CMSS1: variants seen among roughly 807,000 people sequenced by gnomAD.
The protein encoded by CMSS1 is cms1 ribosomal small subunit homolog, also known as protein CMSS1.
Under a neutral mutation model 43.5 loss-of-function variants are expected in CMSS1, and 33 were observed. The observed-to-expected ratio is 0.76, with a 90% CI of 0.57 to 1.01. The LOEUF (loss-of-function observed/expected upper bound fraction) is 1.01. CMSS1 is among the 50% of genes least tolerant of loss of function. CMSS1 has a pLI of 0.00. For synonymous variants in CMSS1, 115 were observed against 117.2 expected (o/e 0.98, Z 0.12); for missense variants, 313 against 326.4 (o/e 0.96, Z 0.32).
intron 1 of CMSS1, among the ~76,000 whole-genome samples, chr3:99,891,170 A>G (rs566441876): frequency 4.6e-5 from 7 of 151,880 alleles, no homozygotes; most frequent in African/African-American, 1.7e-4. Flanking sequence ...TCCCAATGCC[A>G]TAGTTCATGG....
In CMSS1 at chr3:99,819,754, TTTC is replaced by T. The variant is rs1942395343; in HGVS notation, c.64+1714_64+1716del. 2.0e-5 allele frequency among the ~76,000 whole-genome samples: 3 copies of T among 151,496 alleles called. No homozygotes were observed. In the Admixed American group the frequency reaches 2.0e-4, roughly 10 times the overall value. On this transcript the variant is annotated intron_variant, in intron 1 of 9. Coordinates refer to ENST00000421999, the MANE Select transcript of CMSS1 (RefSeq NM_032359.4). ...GGTTTTACCAACCAACAGTTTTTTT[TTTC>T]TTTTTTTTTTTTTTTGACACGGAGT...
chr3:99,847,007 A>T (rs186205077), intron 1 of CMSS1, among the ~76,000 whole-genome samples: 5 of 152,248 alleles, frequency 3.3e-5, no homozygotes, highest in South Asian at 2.1e-4. Context: ...ATCCCCAGGG[A>T]CTCCCATGAG....
chr3:100,132,644 C>A (rs2066717974), intron 1 of CMSS1, among the ~76,000 whole-genome samples: 1 of 151,438 alleles, frequency 6.6e-6, no homozygotes, highest in South Asian at 2.1e-4. Context: ...ATGGTGAAAC[C>A]CCGTCTCTAC....
At chr3:99,857,377 T>G (rs1308521861) in intron 1 of CMSS1, among the ~76,000 whole-genome samples, 2 of 152,224 alleles carry the variant, frequency 1.3e-5, no homozygotes, top group Non-Finnish European at 2.9e-5. Flanking sequence ...GAACTGTATG[T>G]GCTTGCTTGT....
intron 1 of CMSS1, among the ~76,000 whole-genome samples, chr3:100,003,228 A>T (rs1709893541): frequency 6.6e-6 from 1 of 152,224 alleles, no homozygotes; most frequent in South Asian, 2.1e-4. Context: ...CATACCAATG[A>T]CCATGTGGAG....
At chr3:100,141,437 C>T (rs1056134188) in intron 1 of CMSS1, 7 of 377,808 alleles carry the variant, frequency 1.9e-5, no homozygotes, top group African/African-American at 1.5e-4. Flanking sequence ...TGGAAACAGA[C>T]AATGGTCTTA....
chr3:99,847,984 T>G (rs905354133), intron 1 of CMSS1: 2 of 1,070,676 alleles, frequency 1.9e-6, no homozygotes, highest in Non-Finnish European at 2.3e-6. Flanking sequence ...CCAAGACAAG[T>G]TGCAGTCAAA....
intron 1 of CMSS1, among the ~76,000 whole-genome samples, chr3:99,963,020 C>T (rs1399259583): frequency 6.6e-6 from 1 of 152,210 alleles, no homozygotes; most frequent in Non-Finnish European, 1.5e-5. Flanking sequence ...TAGGAGCTAG[C>T]CTGGGTTTTA....
chr3:100,154,306 T>C (rs905850383), intron 2 of CMSS1, among the ~76,000 whole-genome samples: 1 of 152,244 alleles, frequency 6.6e-6, no homozygotes, highest in Non-Finnish European at 1.5e-5. Context: ...GATGTTTGTA[T>C]AGTGTTCACA....
intron 1 of CMSS1, among the ~76,000 whole-genome samples, chr3:99,825,452 C>A (rs1942518844): frequency 6.6e-6 from 1 of 152,168 alleles, no homozygotes; most frequent in African/African-American, 2.4e-5. Flanking sequence ...TTGCTCTACA[C>A]TTGAAGGCTG....
chr3:100,110,597 C>T (rs369724533), intron 1 of CMSS1, among the ~76,000 whole-genome samples: 3 of 152,210 alleles, frequency 2.0e-5, no homozygotes, highest in East Asian at 1.9e-4. Flanking sequence ...GAAATAAAGT[C>T]GTGTATTTGC....
At chr3:100,153,021 T>G (rs933773461) in intron 2 of CMSS1, among the ~76,000 whole-genome samples, 3 of 152,244 alleles carry the variant, frequency 2.0e-5, no homozygotes, top group African/African-American at 7.2e-5. Context: ...AATATTTATC[T>G]TAAAGTATGT....
chr3:100,059,392 G>T (rs151173753), intron 1 of CMSS1, among the ~76,000 whole-genome samples: 1 of 152,170 alleles, frequency 6.6e-6, no homozygotes, highest in Non-Finnish European at 1.5e-5. Flanking sequence ...CTTGCTTTTA[G>T]CCTCATCTCC....
Position 100,021,960 on chromosome 3 carries a change from T to TGAGAGA in CMSS1, c.65-124984_65-124979dup, listed in dbSNP as rs61630053. 6.8e-3 allele frequency among the ~76,000 whole-genome samples: 636 copies of TGAGAGA among 93,260 alleles called. 8 individuals are homozygous for TGAGAGA. The highest frequency in any genetic ancestry group is 0.03 in the East Asian group (85 of 2,862). The allele number at this position is 93,260 out of a possible 152,430, so 61.2% of individuals were successfully genotyped here. A position where few individuals can be genotyped will look rare whatever the true frequency, so the allele number is the denominator to read the frequency against. ...GTGTGTGTGTGTGTGTGTGTGTGTG[T>TGAGAGA]GAGAGAGAGAGAGAGAGAGAGAGAG... On this transcript the variant is annotated intron_variant, in intron 1 of 9. Coordinates refer to ENST00000421999, the MANE Select transcript of CMSS1 (RefSeq NM_032359.4).
chr3:100,137,564 CT>C lies in CMSS1; in HGVS notation c.65-9393del, dbSNP rs202163215. The stretch of plus-strand genomic sequence containing the variant: ...GAGATTAAAATTCATAAGCATGTAA[CT>C]TTTTTTTTTTTTTTTGAGACAGAGT... On this transcript the variant is annotated intron_variant, in intron 1 of 9. Transcript: ENST00000421999. Among the ~76,000 whole-genome samples the C allele has an allele frequency of 4.3e-3, 614 of 142,396 alleles. 1 individual carries two copies. Among genetic ancestry groups the C allele is most frequent in the African/African-American group, 7.2e-3 (279 of 38,980 alleles). The allele number at this position is 142,396 out of a possible 152,430, so 93.4% of individuals were successfully genotyped here.
intron 1 of CMSS1, among the ~76,000 whole-genome samples, chr3:100,005,108 C>A (rs1709951522): frequency 6.6e-6 from 1 of 152,186 alleles, no homozygotes; most frequent in Admixed American, 6.5e-5. Context: ...GGAAAGCCAG[C>A]TAATTCATTC....
At chr3:99,832,839 CA>C (rs771543470) in intron 1 of CMSS1, among the ~76,000 whole-genome samples, 865 of 47,454 alleles carry the variant, frequency 0.018, 17 homozygotes, top group African/African-American at 0.055. Flanking sequence ...GACTCTGTCT[CA>C]AAAAAAAAAA....
intron 1 of CMSS1, among the ~76,000 whole-genome samples, chr3:100,125,053 G>A (rs908591970): frequency 6.6e-6 from 1 of 151,964 alleles, no homozygotes; most frequent in Non-Finnish European, 1.5e-5. Context: ...ATCTCCATTC[G>A]GCAATTGCCA....
Position 100,162,400 on chromosome 3 carries a change from T to G in CMSS1, c.323T>G (p.Leu108Trp). ...LMKDYYSSRR[L>W]VIELEELNLP... ...AAGGACTATTATAGCAGCAGACGCTTGGTGATTGAATTAGAAGAACTGAAC... is the reference window on the plus strand; with the variant it reads ...AAGGACTATTATAGCAGCAGACGCTGGGTGATTGAATTAGAAGAACTGAAC... Residue 108 changes from leucine (L) to tryptophan (W), a missense_variant, in exon 4 of 10, where the codon TTG becomes TGG. Transcript: ENST00000421999. 6.2e-7 allele frequency: 1 copy of G among 1,613,276 alleles called. No individual in the cohort carries two copies. Among genetic ancestry groups the G allele is most frequent in the Non-Finnish European group, 8.5e-7 (1 of 1,179,388 alleles).
Sources: allele counts gnomAD v4.1 joint callset (sites outside exome capture counted in the v4.1 genomes callset), GRCh38; gene constraint gnomAD v4.1.1; transcripts MANE v1.5; gene names NCBI Gene and HGNC (gene_info 2026-07-23, HGNC 2026-07-21).